Variants in TPD52L1 observed in about 807,000 individuals in gnomAD.
The protein encoded by TPD52L1 is tumor protein D53.
A neutral mutation model predicts 28.7 loss-of-function variants in TPD52L1; 18 were observed. That is an observed-to-expected ratio of 0.63 (90% CI 0.43 to 0.93). TPD52L1 has a LOEUF of 0.93. TPD52L1 is among the 40% of genes least tolerant of loss of function. The pLI is 0.00. For synonymous variants in TPD52L1, 75 were observed against 88.8 expected (o/e 0.84, Z 0.88); for missense variants, 203 against 254.8 (o/e 0.80, Z 1.39).
intron 1 of TPD52L1, among the ~76,000 whole-genome samples, chr6:125,174,632 A>T (rs904383589): frequency 5.3e-5 from 8 of 152,234 alleles, no homozygotes; most frequent in Non-Finnish European, 5.9e-5. Flanking sequence ...AGATATACAA[A>T]GCAATGTTCA....
chr6:125,252,594 C>T (rs1376422246), intron 4 of TPD52L1: 2 of 152,210 alleles, frequency 1.3e-5, no homozygotes, highest in African/African-American at 4.8e-5. Context: ...CGAATTAAAA[C>T]TTCTTTTAGC....
chr6:125,213,803 A>G (rs1294351555), intron 1 of TPD52L1, among the ~76,000 whole-genome samples: 1 of 152,142 alleles, frequency 6.6e-6, no homozygotes, highest in Non-Finnish European at 1.5e-5. Flanking sequence ...TCCTTCCTAG[A>G]GTTCAAAAAG....
At chr6:125,182,764 AAC>A (rs1792294514) in intron 1 of TPD52L1, among the ~76,000 whole-genome samples, 1 of 152,204 alleles carries the variant, frequency 6.6e-6, no homozygotes, top group African/African-American at 2.4e-5. Context: ...ATCTTTTCCA[AAC>A]CACAACTGTG....
At chr6:125,231,054 C>T (rs1296193499) in intron 3 of TPD52L1, among the ~76,000 whole-genome samples, 2 of 152,202 alleles carry the variant, frequency 1.3e-5, no homozygotes, top group Non-Finnish European at 2.9e-5. Context: ...TTTCCACTTT[C>T]GTGGCCAATA....
chr6:125,201,638 C>T (rs1194209972), intron 1 of TPD52L1, among the ~76,000 whole-genome samples: 3 of 152,230 alleles, frequency 2.0e-5, no homozygotes, highest in Non-Finnish European at 2.9e-5. Context: ...GCTCTTATCC[C>T]ATTTTGGCTT....
intron 3 of TPD52L1, among the ~76,000 whole-genome samples, chr6:125,229,940 AG>A (rs1394468745): frequency 6.6e-6 from 1 of 152,056 alleles, no homozygotes; most frequent in Admixed American, 6.6e-5. Context: ...ACAAAAAATC[AG>A]CTGGGTGTGA....
At chr6:125,256,337 G>A (rs1250789694) in intron 5 of TPD52L1, among the ~76,000 whole-genome samples, 1 of 151,624 alleles carries the variant, frequency 6.6e-6, no homozygotes, top group South Asian at 2.1e-4. Flanking sequence ...GTGACAGAAC[G>A]AGACTATCAA....
chr6:125,179,189 T>C (rs1363262293), intron 1 of TPD52L1, among the ~76,000 whole-genome samples: 2 of 152,244 alleles, frequency 1.3e-5, no homozygotes, highest in Non-Finnish European at 2.9e-5. Flanking sequence ...GTCACTTTCC[T>C]GATTAATTTT....
chr6:125,156,673 G>C (rs555600556), intron 1 of TPD52L1, among the ~76,000 whole-genome samples: 1 of 152,072 alleles, frequency 6.6e-6, no homozygotes, highest in Non-Finnish European at 1.5e-5. Context: ...GGAGGTTGAG[G>C]TGGGAGGATC....
At chr6:125,208,966 G>A in intron 1 of TPD52L1, 1 of 985,168 alleles carries the variant, frequency 1.0e-6, no homozygotes, top group Non-Finnish European at 1.2e-6. Context: ...CTGAGCTGTT[G>A]AGGCAAGCAA....
chr6:125,255,971 A>T (rs1797570183), intron 5 of TPD52L1, among the ~76,000 whole-genome samples: 1 of 152,244 alleles, frequency 6.6e-6, no homozygotes, highest in South Asian at 2.1e-4. Flanking sequence ...ACAGAAAACC[A>T]GAAAGCACCA....
At chr6:125,160,367 G>T (rs1385816795) in intron 1 of TPD52L1, among the ~76,000 whole-genome samples, 1 of 151,926 alleles carries the variant, frequency 6.6e-6, no homozygotes, top group Admixed American at 6.6e-5. Context: ...ATTTGTATTT[G>T]CATTTTCATA....
intron 1 of TPD52L1, among the ~76,000 whole-genome samples, chr6:125,214,236 T>A (rs1766009437): frequency 6.6e-6 from 1 of 152,076 alleles, no homozygotes. Flanking sequence ...CCTTAGGTCA[T>A]CTCCTGGGCA....
chr6:125,223,708 CAAAAAA>C (rs11294390), intron 2 of TPD52L1, among the ~76,000 whole-genome samples: 23 of 71,502 alleles, frequency 3.2e-4, no homozygotes, highest in East Asian at 9.6e-4. Context: ...GATTCCATCT[CAAAAAA>C]AAAAAAAAAA....
intron 1 of TPD52L1, among the ~76,000 whole-genome samples, chr6:125,176,945 G>A (rs1160630794): frequency 5.3e-5 from 8 of 152,146 alleles, no homozygotes; most frequent in Non-Finnish European, 1.2e-4. Flanking sequence ...GGCTGAGGTG[G>A]GAGGATCACT....
intron 1 of TPD52L1, among the ~76,000 whole-genome samples, chr6:125,191,821 A>G (rs1355462348): frequency 6.6e-6 from 1 of 152,188 alleles, no homozygotes; most frequent in African/African-American, 2.4e-5. Flanking sequence ...GGGCACTGAC[A>G]TACCTTGTCA....
In TPD52L1 at chr6:125,217,876, A is replaced by C. The variant is rs540503382; in HGVS notation, c.20-2202A>C. Among the ~76,000 whole-genome samples, 5 of 152,180 alleles carry C rather than the reference A, an allele frequency of 3.3e-5. No homozygotes were observed. The South Asian group carries it at 1.0e-3, about 32-fold the overall frequency. ...TTCTGCAACTTGCATTTTTCACTCG[A>C]TATCTTATTTCCAAGTTTTATCCAT... On this transcript the variant is annotated intron_variant, in intron 1 of 6. Transcript: ENST00000534000.
At chr6:125,212,466 A>G (rs895511306) in intron 1 of TPD52L1, among the ~76,000 whole-genome samples, 1 of 152,218 alleles carries the variant, frequency 6.6e-6, no homozygotes, top group Non-Finnish European at 1.5e-5. Context: ...TATTGTTTCA[A>G]TCATGGCCAT....
At chr6:125,246,555 A>G (rs1796934967) in intron 3 of TPD52L1, among the ~76,000 whole-genome samples, 2 of 152,202 alleles carry the variant, frequency 1.3e-5, no homozygotes, top group Admixed American at 1.3e-4. Context: ...CTGAAATTCC[A>G]TGGTTTCATG....
Sources: gnomAD v4.1 joint callset for allele counts (sites outside exome capture counted in the v4.1 genomes callset) on GRCh38, gnomAD v4.1.1 for gene constraint, MANE v1.5 for transcripts, NCBI Gene and HGNC (gene_info 2026-07-23, HGNC 2026-07-21) for gene names.